RARG: variants seen among roughly 807,000 people sequenced by gnomAD.
RARG encodes the protein retinoic acid receptor gamma.
RARG carries 17 observed loss-of-function variants against 43.7 expected under a neutral mutation model. The ratio of observed to expected loss-of-function variants is 0.39; its 90% CI spans 0.27 to 0.58. The LOEUF (loss-of-function observed/expected upper bound fraction) is 0.58, where lower values mean the gene tolerates loss of function less well. RARG is among the 20% of genes least tolerant of loss of function. The pLI is 0.57. For missense variants in RARG, 346 were observed against 598.7 expected (o/e 0.58, Z 4.40); for synonymous variants, 238 against 236.4 (o/e 1.01, Z -0.06).
At position 53,215,594 on chromosome 12, in the gene RARG, T is replaced by A; in HGVS notation, c.333+52A>T. 4 of 1,591,950 alleles carry A rather than the reference T, an allele frequency of 2.5e-6. No homozygotes were observed. The highest frequency in any genetic ancestry group is 3.4e-6 in the Non-Finnish European group (4 of 1,166,530). On this transcript the variant is annotated intron_variant, in intron 4 of 9. Coordinates refer to ENST00000425354, the MANE Select transcript of RARG (RefSeq NM_000966.6). This position sits in a 1 kb window ranked among gnomAD's most constrained non-coding sequence, Gnocchi z 6.4. ...CAGCATCTGTGTGCCTGGTCTCTCA[T>A]CTTACTAGGGTAACTGGATCCCCCG...
chr12:53,226,687 C>T (rs1592448495), intron 3 of RARG, among the ~76,000 whole-genome samples: 1 of 151,532 alleles, frequency 6.6e-6, no homozygotes, highest in East Asian at 1.9e-4. Flanking sequence ...TCTTGGCTCA[C>T]TGCAACCTCT....
rs1942744175 is a variant in RARG, at chr12:53,215,807, C to A, written c.185-13G>T. 1.3e-6 allele frequency: 2 copies of A among 1,590,436 alleles called. No individual in the cohort carries two copies. Among genetic ancestry groups the A allele is most frequent in the Non-Finnish European group, 1.7e-6 (2 of 1,166,920 alleles). The stretch of plus-strand genomic sequence containing the variant: ...TGTGTCTCCACCGCTGGGAGGGAAG[C>A]AGTGATGTGAGGGTCAGGGGAGAAG... On this transcript the variant is annotated splice_polypyrimidine_tract_variant and intron_variant, in intron 3 of 9. Transcript: ENST00000425354. This position sits in a 1 kb window ranked among gnomAD's most constrained non-coding sequence, Gnocchi z 6.4.
rs11170483 is a variant in RARG, at chr12:53,218,062, G to A, written c.185-2268C>T. On this transcript the variant is annotated intron_variant, in intron 3 of 9. Coordinates refer to ENST00000425354, the MANE Select transcript of RARG (RefSeq NM_000966.6). ...GAGACACACTCACTCCAGCTACACC[G>A]TGGAGGTAGATGTACCAGTCACAAG... 1.8e-3 allele frequency among the ~76,000 whole-genome samples: 281 copies of A among 152,182 alleles called. 2 individuals are homozygous for A. The East Asian group carries it at 0.032, about 17-fold the overall frequency.
rs776428099 is a variant in RARG at position 53,215,794 on chromosome 12, G to A, written c.185C>T (p.Ser62Leu). The change falls in exon 4 of 10, where the codon TCG (serine) becomes TTG (leucine). Residue 62 changes from serine to leucine, a missense_variant and splice_region_variant. Physicochemically the swap from Ser to Leu is moderately radical, Grantham distance 145 (BLOSUM62 -2). This residue lies in a region of RARG where 90 missense variants were observed against 93.2 expected (regional missense o/e 0.97). Coordinates refer to ENST00000425354, the MANE Select transcript of RARG (RefSeq NM_000966.6). This position sits in a 1 kb window ranked among gnomAD's most constrained non-coding sequence, Gnocchi z 6.4. ...PDLPKEMASL[S>L]VETQSTSSEE... The stretch of plus-strand genomic sequence containing the variant: ...TGAGCTGGTGCTCTGTGTCTCCACC[G>A]CTGGGAGGGAAGCAGTGATGTGAGG... The A allele has an allele frequency of 5.6e-6, 9 of 1,599,794 alleles. No individual in the cohort carries two copies. The highest frequency in any genetic ancestry group is 1.7e-5 in the Admixed American group (1 of 59,206).
intron 3 of RARG, among the ~76,000 whole-genome samples, chr12:53,221,772 C>T (rs1243931035): frequency 6.6e-6 from 1 of 151,612 alleles, no homozygotes; most frequent in Non-Finnish European, 1.5e-5. Flanking sequence ...GGCCGCCCGG[C>T]CTGCCTGCCC....
rs1943133452 is a variant in RARG, at chr12:53,227,377, C to T, written c.169G>A (p.Glu57Lys). The stretch of plus-strand genomic sequence containing the variant: ...TGAGACTCACACAGAGAGGCCATCT[C>T]CTTGGGGAGGTCAGGCTGGCCCAGG... ...RGLGQPDLPK[E>K]MASLSVETQS... The change falls in exon 3 of 10, where the codon GAG (glutamate) becomes AAG (lysine). Residue 57 changes from glutamate to lysine, a missense_variant. Transcript: ENST00000425354. The surrounding 1 kb of genome is among the most constrained non-coding windows in gnomAD (Gnocchi z 4.3). 1.9e-6 allele frequency: 3 copies of T among 1,587,518 alleles called. No homozygotes were observed. In the South Asian group the frequency reaches 3.4e-5, roughly 18 times the overall value.
intron 3 of RARG, chr12:53,220,211 T>C: frequency 6.6e-7 from 1 of 1,520,310 alleles, no homozygotes; most frequent in East Asian, 2.5e-5. Context: ...GGGGGAGGGC[T>C]AGCATAGGGC....
chr12:53,216,860 G>GCA (rs1320283470), intron 3 of RARG, among the ~76,000 whole-genome samples: 2 of 121,712 alleles, frequency 1.6e-5, no homozygotes, highest in South Asian at 3.1e-4. Context: ...GCGCGCGCGC[G>GCA]CGTGTGGTTG....
intron 3 of RARG, chr12:53,220,484 C>G: frequency 1.9e-6 from 1 of 538,546 alleles, no homozygotes; most frequent in East Asian, 3.9e-5. Flanking sequence ...CATACGTACA[C>G]TCGCTCCGCG....
intron 2 of RARG, among the ~76,000 whole-genome samples, chr12:53,229,171 G>C (rs887731898): frequency 1.3e-5 from 2 of 152,128 alleles, no homozygotes; most frequent in Admixed American, 1.3e-4. Context: ...ATCTCCACCA[G>C]TCAGAGCCAT....
Position 53,211,571 on chromosome 12 carries a change from G to A in RARG, c.*105C>T. 9.1e-7 allele frequency: 1 copy of A among 1,098,394 alleles called. No homozygotes were observed. Among genetic ancestry groups the A allele is most frequent in the East Asian group, 3.2e-5 (1 of 31,510 alleles). 68.0% of individuals were successfully genotyped at this position (1,098,394 alleles called of 1,614,324 possible). A position where few individuals can be genotyped will look rare whatever the true frequency, so the allele number is the denominator to read the frequency against. ...AACAAGGAGCTCATTGGAAGGGGTG[G>A]GGAGAGGGCAGAGCAGGTCCTCCCC... On this transcript the variant is annotated 3_prime_UTR_variant, in exon 10 of 10. Coordinates refer to ENST00000425354, the MANE Select transcript of RARG (RefSeq NM_000966.6). The surrounding 1 kb of genome is among the most constrained non-coding windows in gnomAD (Gnocchi z 4.6).
chr12:53,219,969 C>T (rs1360144424), intron 3 of RARG: 2 of 1,515,102 alleles, frequency 1.3e-6, no homozygotes, highest in East Asian at 2.5e-5. Flanking sequence ...TGGCGGGTTG[C>T]GGCCAGGCAA....
chr12:53,213,397 G>A lies in RARG; in HGVS notation c.1018+99C>T. The stretch of plus-strand genomic sequence containing the variant: ...AGGTGCAAGAATTACCAGCAGAAGA[G>A]ACCACTGGGTCCTCCACGCCCCCTC... On this transcript the variant is annotated intron_variant, in intron 8 of 9. Transcript: ENST00000425354. This position sits in a 1 kb window ranked among gnomAD's most constrained non-coding sequence, Gnocchi z 4.7. 2.7e-6 allele frequency: 4 copies of A among 1,500,454 alleles called. No homozygotes were observed. Among genetic ancestry groups the A allele is most frequent in the Non-Finnish European group, 3.7e-6 (4 of 1,091,342 alleles). 92.9% of individuals were successfully genotyped at this position (1,500,454 alleles called of 1,614,324 possible).
In RARG at chr12:53,211,269, C is replaced by T. The variant is rs1181090222; in HGVS notation, c.*407G>A. On this transcript the variant is annotated 3_prime_UTR_variant, in exon 10 of 10. Transcript: ENST00000425354. This position sits in a 1 kb window ranked among gnomAD's most constrained non-coding sequence, Gnocchi z 4.6. ...TAGGAGCAAGAAGGTGGGCTCAGCC[C>T]TTCTCCTTTGTCCCCTTTTTGGTCT... 1 of 161,056 alleles carries T rather than the reference C, an allele frequency of 6.2e-6. No individual in the cohort carries two copies. The highest frequency in any genetic ancestry group is 2.4e-5 in the African/African-American group (1 of 41,776). 10.0% of individuals were successfully genotyped at this position (161,056 alleles called of 1,614,324 possible). A position where few individuals can be genotyped will look rare whatever the true frequency, so the allele number is the denominator to read the frequency against.
Position 53,213,209 on chromosome 12 carries a change from G to C in RARG, c.1053C>G (p.Asp351Glu). ...RMDLEEPEKV[D>E]KLQEPLLEAL... is the part of the protein sequence containing the mutation. Reference sequence around the variant, plus strand: ...CTTCCAGCAGTGGCTCCTGCAGCTTGTCCACTTTTTCGGGCTCCTCCAGGT... The same window carrying C: ...CTTCCAGCAGTGGCTCCTGCAGCTTCTCCACTTTTTCGGGCTCCTCCAGGT... The change falls in exon 9 of 10, where the codon GAC (aspartate) becomes GAG (glutamate). Residue 351 changes from aspartate (D) to glutamate (E), a missense_variant. By Grantham distance (45) the Asp-to-Glu change is conservative (BLOSUM62 2). Transcript: ENST00000425354. The surrounding 1 kb of genome is among the most constrained non-coding windows in gnomAD (Gnocchi z 4.7). 6.2e-7 allele frequency: 1 copy of C among 1,604,838 alleles called. No individual in the cohort carries two copies. The highest frequency in any genetic ancestry group is 8.5e-7 in the Non-Finnish European group (1 of 1,171,576).
intron 3 of RARG, among the ~76,000 whole-genome samples, chr12:53,220,923 C>T (rs1942939750): frequency 6.6e-6 from 1 of 152,112 alleles, no homozygotes; most frequent in African/African-American, 2.4e-5. Flanking sequence ...CCAGGCCTGG[C>T]TCCGCCCTCG....
Position 53,216,861 on chromosome 12 carries a change from C to CGCGT in RARG, c.185-1068_185-1067insACGC, listed in dbSNP as rs1491204312. Among the ~76,000 whole-genome samples, 526 of 122,902 alleles carry CGCGT rather than the reference C, an allele frequency of 4.3e-3. 3 individuals carry two copies. The highest frequency in any genetic ancestry group is 0.018 in the African/African-American group (518 of 28,214). 80.6% of individuals were successfully genotyped at this position (122,902 alleles called of 152,430 possible). On this transcript the variant is annotated intron_variant, in intron 3 of 9. Coordinates refer to ENST00000425354, the MANE Select transcript of RARG (RefSeq NM_000966.6). ...GTGTGTGCGCGCGCGCGCGCGCGCG[C>CGCGT]GTGTGGTTGGTCTTCAGAGGCTCGG...
At chr12:53,222,536 AG>A (rs911454821) in intron 3 of RARG, among the ~76,000 whole-genome samples, 19 of 147,428 alleles carry the variant, frequency 1.3e-4, no homozygotes, top group Non-Finnish European at 2.4e-4. Context: ...GGCCACAGGG[AG>A]GGGGGTTGGG....
In RARG at chr12:53,213,253, C is replaced by G. The variant is rs777258482; in HGVS notation, c.1019-10G>C. ...TCCAGGTCCATGCGGTCTATGGGGA[C>G]AAGTATACTGGAGTGAGAGGGGAAG... On this transcript the variant is annotated splice_polypyrimidine_tract_variant and intron_variant, in intron 8 of 9. Transcript: ENST00000425354. The surrounding 1 kb of genome is among the most constrained non-coding windows in gnomAD (Gnocchi z 4.7). 6.4e-7 allele frequency: 1 copy of G among 1,560,388 alleles called. No individual in the cohort carries two copies. Among genetic ancestry groups the G allele is most frequent in the South Asian group, 1.1e-5 (1 of 89,580 alleles).
Sources: allele counts gnomAD v4.1 joint callset (sites outside exome capture counted in the v4.1 genomes callset), GRCh38; gene constraint gnomAD v4.1.1; regional missense constraint gnomAD v4.1.1; non-coding constraint Gnocchi (gnomAD v3.1); transcripts MANE v1.5; gene names NCBI Gene and HGNC (gene_info 2026-07-23, HGNC 2026-07-21).